Variants in CSMD1 observed in about 807,000 individuals in gnomAD.
CSMD1 encodes the protein CUB and Sushi multiple domains 1.
A neutral mutation model predicts 417.5 loss-of-function variants in CSMD1; 213 were observed. The observed-to-expected ratio is 0.51, with a 90% confidence interval of 0.46 to 0.57. The LOEUF is 0.57. CSMD1 is among the 20% of genes least tolerant of loss of function. CSMD1 has a pLI of 0.00. For synonymous variants in CSMD1, 2,862 were observed against 1,736.8 expected, an observed-to-expected ratio of 1.65 and a Z score of -16.11; for missense variants, 6,923 against 4,529.7, an observed-to-expected ratio of 1.53 and a Z score of -15.17.
chr8:4,685,680 T>C (rs1806327390), intron 1 of CSMD1, among the ~76,000 whole-genome samples: 1 of 152,138 alleles, frequency 6.6e-6, no homozygotes, highest in African/African-American at 2.4e-5. Context: ...TCAATTAAAT[T>C]TGAAAATTGA....
At chr8:4,965,244 T>A (rs1809782749) in intron 1 of CSMD1, among the ~76,000 whole-genome samples, 1 of 152,214 alleles carries the variant, frequency 6.6e-6, no homozygotes, top group Non-Finnish European at 1.5e-5. Flanking sequence ...ATTTTAAAAA[T>A]GTTCCCATTG....
intron 5 of CSMD1, among the ~76,000 whole-genome samples, chr8:3,850,823 T>A (rs1211104105): frequency 6.6e-6 from 1 of 152,226 alleles, no homozygotes; most frequent in Non-Finnish European, 1.5e-5. Flanking sequence ...GCTCAAAAGT[T>A]ACTGAAGGAT....
At chr8:4,528,339 G>A (rs1796625653) in intron 2 of CSMD1, among the ~76,000 whole-genome samples, 1 of 152,124 alleles carries the variant, frequency 6.6e-6, no homozygotes, top group African/African-American at 2.4e-5. Flanking sequence ...AATAAAGAAG[G>A]TGGGATCCAG....
At chr8:3,673,852 T>C (rs1585054483) in intron 7 of CSMD1, among the ~76,000 whole-genome samples, 1 of 152,038 alleles carries the variant, frequency 6.6e-6, no homozygotes, top group African/African-American at 2.4e-5. Flanking sequence ...GCATGGTGGC[T>C]CACCCCTGTA....
chr8:4,290,043 C>T (rs553107690), intron 3 of CSMD1, among the ~76,000 whole-genome samples: 1 of 152,106 alleles, frequency 6.6e-6, no homozygotes, highest in Non-Finnish European at 1.5e-5. Flanking sequence ...AAGGTTTAAC[C>T]AGAACCAACA....
At chr8:4,962,694 G>A (rs1475165028) in intron 1 of CSMD1, among the ~76,000 whole-genome samples, 1 of 152,154 alleles carries the variant, frequency 6.6e-6, no homozygotes, top group Admixed American at 6.5e-5. Flanking sequence ...GTGGGTGGAA[G>A]GGATGTGCAA....
intron 3 of CSMD1, among the ~76,000 whole-genome samples, chr8:4,213,173 G>C (rs765790148): frequency 6.6e-6 from 1 of 152,138 alleles, no homozygotes; most frequent in African/African-American, 2.4e-5. Flanking sequence ...CAAATGGGGA[G>C]AGACATAGTT....
intron 12 of CSMD1, among the ~76,000 whole-genome samples, chr8:3,420,089 C>T (rs1234676310): frequency 6.6e-6 from 1 of 152,096 alleles, no homozygotes; most frequent in Non-Finnish European, 1.5e-5. Context: ...TTATTAACAT[C>T]ATCATTGATA....
chr8:4,343,395 G>C (rs1204246165), intron 3 of CSMD1, among the ~76,000 whole-genome samples: 4 of 151,950 alleles, frequency 2.6e-5, no homozygotes, highest in Non-Finnish European at 1.5e-5. Context: ...TAAGAGAGCT[G>C]ACCTTAAGTG....
chr8:3,855,227 T>G (rs141286951), intron 5 of CSMD1, among the ~76,000 whole-genome samples: 1 of 152,192 alleles, frequency 6.6e-6, no homozygotes, highest in Non-Finnish European at 1.5e-5. Flanking sequence ...CGACAGCTAT[T>G]TTGTAAAAGA....
chr8:4,747,739 T>C (rs1451322870), intron 1 of CSMD1, among the ~76,000 whole-genome samples: 2 of 152,174 alleles, frequency 1.3e-5, no homozygotes, highest in African/African-American at 2.4e-5. Context: ...GCCAATGTCC[T>C]GTGGCCCAAG....
intron 3 of CSMD1, among the ~76,000 whole-genome samples, chr8:4,370,206 T>G (rs1206259630): frequency 6.6e-6 from 1 of 152,182 alleles, no homozygotes; most frequent in African/African-American, 2.4e-5. Flanking sequence ...TTATGAAGGT[T>G]AGTTTGGTGA....
chr8:4,130,035 G>C (rs774582928), intron 3 of CSMD1, among the ~76,000 whole-genome samples: 12 of 152,066 alleles, frequency 7.9e-5, no homozygotes, highest in Non-Finnish European at 1.5e-4. Context: ...TTTTATGGCA[G>C]TCTGCTTATA....
chr8:3,725,775 C>T (rs770079938), intron 6 of CSMD1, among the ~76,000 whole-genome samples: 13 of 152,146 alleles, frequency 8.5e-5, no homozygotes, highest in Non-Finnish European at 1.9e-4. Context: ...GACTTGGGAA[C>T]ACGTGAAAAC....
chr8:4,811,402 T>C lies in CSMD1; in HGVS notation c.86-173844A>G, dbSNP rs7839764. On this transcript the variant is annotated intron_variant, in intron 1 of 69. Coordinates refer to ENST00000635120, the MANE Select transcript of CSMD1 (RefSeq NM_033225.6). ...ATTAAAATTAGTTTTTTTTAAGTAA[T>C]GTATTATGTTGAATCATATAAAATT... Among the ~76,000 whole-genome samples the C allele has an allele frequency of 5.8e-3, 876 of 152,268 alleles. 8 individuals carry two copies. Among genetic ancestry groups the C allele is most frequent in the African/African-American group, 0.019 (801 of 41,548 alleles).
chr8:4,163,736 G>C lies in CSMD1; in HGVS notation c.416-131637C>G, dbSNP rs140470602. Among the ~76,000 whole-genome samples the C allele has an allele frequency of 3.0e-3, 458 of 152,254 alleles. 2 individuals are homozygous for C. The highest frequency in any genetic ancestry group is 6.5e-3 in the Admixed American group (100 of 15,300). ...TGGATGTGATGATCTTGATTAATCA[G>C]TAGCACTAATACTGCTAAGCTTACA... On this transcript the variant is annotated intron_variant, in intron 3 of 69. Coordinates refer to ENST00000635120, the MANE Select transcript of CSMD1 (RefSeq NM_033225.6).
intron 27 of CSMD1, among the ~76,000 whole-genome samples, chr8:3,227,170 G>A (rs935145865): frequency 2.0e-5 from 3 of 152,104 alleles, no homozygotes; most frequent in Non-Finnish European, 2.9e-5. Context: ...GGAGTCTGAG[G>A]CAGGCAGATC....
At chr8:4,002,333 C>G (rs911374312) in intron 4 of CSMD1, among the ~76,000 whole-genome samples, 4 of 152,100 alleles carry the variant, frequency 2.6e-5, no homozygotes, top group Admixed American at 2.0e-4. Context: ...CTTAATTTCT[C>G]CGCTATTTTT....
At chr8:4,213,197 A>T (rs563663668) in intron 3 of CSMD1, among the ~76,000 whole-genome samples, 1 of 152,152 alleles carries the variant, frequency 6.6e-6, no homozygotes, top group South Asian at 2.1e-4. Flanking sequence ...AATGTGAATC[A>T]TATTTCACTA....
Sources: gnomAD v4.1 joint callset for allele counts (sites outside exome capture counted in the v4.1 genomes callset) on GRCh38, gnomAD v4.1.1 for gene constraint, MANE v1.5 for transcripts, NCBI Gene and HGNC (gene_info 2026-07-23, HGNC 2026-07-21) for gene names.